The following SLC44A1 variants were observed in gnomAD, a reference collection of about 807,000 sequenced individuals.
SLC44A1 encodes the protein solute carrier family 44 member 1, also known as choline transporter-like protein 1.
A neutral mutation model predicts 79.3 loss-of-function variants in SLC44A1; 26 were observed. The observed-to-expected ratio is 0.33, with a 90% CI of 0.24 to 0.46. The LOEUF (loss-of-function observed/expected upper bound fraction) is 0.46, where lower values mean the gene tolerates loss of function less well. Among genes scored for constraint, SLC44A1 ranks in the 20% least tolerant of loss-of-function variants. The pLI, the probability that SLC44A1 is intolerant of heterozygous loss-of-function variation, is 1.00. For missense variants in SLC44A1, 688 were observed against 798.1 expected (o/e 0.86, Z 1.66); for synonymous variants, 263 against 286.2 (o/e 0.92, Z 0.82).
chr9:105,398,043 C>T (rs763530357), downstream of SLC44A1, among the ~76,000 whole-genome samples: 3 of 152,164 alleles, frequency 2.0e-5, no homozygotes, highest in Non-Finnish European at 4.4e-5. Context: ...GTGCCCTGCA[C>T]GTGAATTGGA....
intron 3 of SLC44A1, among the ~76,000 whole-genome samples, chr9:105,314,807 CAG>C (rs1831276100): frequency 6.6e-6 from 1 of 152,192 alleles, no homozygotes; most frequent in African/African-American, 2.4e-5. Context: ...CTAGTAAAAA[CAG>C]AATCAGAGTG....
At chr9:105,403,281 AT>A (rs934515014) in intron 15 of SLC44A1, among the ~76,000 whole-genome samples, 2 of 152,088 alleles carry the variant, frequency 1.3e-5, no homozygotes, top group African/African-American at 4.8e-5. Context: ...GATCGATAGA[AT>A]TTTATTCTCT....
At chr9:105,321,197 C>T (rs957776512) in intron 3 of SLC44A1, among the ~76,000 whole-genome samples, 4 of 151,838 alleles carry the variant, frequency 2.6e-5, no homozygotes, top group Non-Finnish European at 5.9e-5. Flanking sequence ...TTTTAGTTAG[C>T]GCTTATGTTG....
At chr9:105,263,956 T>C (rs1829901494) in intron 1 of SLC44A1, among the ~76,000 whole-genome samples, 1 of 152,124 alleles carries the variant, frequency 6.6e-6, no homozygotes, top group African/African-American at 2.4e-5. Context: ...ATTCTTTTGC[T>C]TTTCCCCCTA....
chr9:105,286,307 T>C, intron 1 of SLC44A1, among the ~76,000 whole-genome samples: 1 of 152,216 alleles, frequency 6.6e-6, no homozygotes, highest in East Asian at 1.9e-4. Context: ...TTCACATTCC[T>C]GCTGTAGTAC....
At chr9:105,349,810 G>A (rs1025825844) in intron 5 of SLC44A1, among the ~76,000 whole-genome samples, 6 of 152,114 alleles carry the variant, frequency 3.9e-5, no homozygotes, top group African/African-American at 1.4e-4. Context: ...TAGCCAGAAA[G>A]CCTGGGTGTG....
intron 15 of SLC44A1, among the ~76,000 whole-genome samples, chr9:105,423,788 T>C (rs1177843411): frequency 6.6e-6 from 1 of 152,204 alleles, no homozygotes; most frequent in Non-Finnish European, 1.5e-5. Context: ...TTTTCCAAAA[T>C]ATACAAGGAG....
At position 105,392,045 on chromosome 9, in the gene SLC44A1, T is replaced by C. The variant is rs1202819609; in HGVS notation, c.*2989T>C. The C allele has an allele frequency of 2.0e-6, 2 of 985,084 alleles. No homozygotes were observed. The highest frequency in any genetic ancestry group is 6.2e-5 in the Admixed American group (1 of 16,256). 61.0% of individuals were successfully genotyped at this position (985,084 alleles called of 1,614,324 possible). On this transcript the variant is annotated 3_prime_UTR_variant, in exon 16 of 16. Coordinates refer to ENST00000374720, the MANE Select transcript of SLC44A1 (RefSeq NM_080546.5). Reference sequence around the variant, plus strand: ...TCCATAATATGGAAGAGAAAAGTTATATTTCAGTGTAAATCCAAGAGACCC... The same window carrying C: ...TCCATAATATGGAAGAGAAAAGTTACATTTCAGTGTAAATCCAAGAGACCC...
intron 3 of SLC44A1, among the ~76,000 whole-genome samples, chr9:105,319,239 T>C (rs888827600): frequency 6.6e-6 from 1 of 152,112 alleles, no homozygotes; most frequent in Admixed American, 6.5e-5. Flanking sequence ...TGGCAAATTA[T>C]TTGCCAGGAA....
chr9:105,336,132 G>T (rs898053419), intron 4 of SLC44A1, among the ~76,000 whole-genome samples: 1 of 143,924 alleles, frequency 6.9e-6, no homozygotes, highest in African/African-American at 2.9e-5. Context: ...GTGTGTGTGT[G>T]CATGTGTGTG....
chr9:105,304,944 GTTTTTTTTTTT>G (rs10589897), intron 2 of SLC44A1, among the ~76,000 whole-genome samples: 17 of 20,058 alleles, frequency 8.5e-4, no homozygotes, highest in African/African-American at 1.8e-3. Context: ...ACTTTCTATC[GTTTTTTTTTTT>G]TTTTTTTTTT....
chr9:105,351,279 A>G (rs546276299), intron 5 of SLC44A1, among the ~76,000 whole-genome samples: 1 of 152,282 alleles, frequency 6.6e-6, no homozygotes, highest in South Asian at 2.1e-4. Flanking sequence ...TATGCCTGTA[A>G]TCCCAGCACT....
Position 105,390,665 on chromosome 9 carries a change from T to C in SLC44A1, c.*1609T>C. 1 of 985,630 alleles carries C rather than the reference T, an allele frequency of 1.0e-6. No homozygotes were observed. Among genetic ancestry groups the C allele is most frequent in the South Asian group, 4.7e-5 (1 of 21,278 alleles). The allele number at this position is 985,630 out of a possible 1,614,324, so 61.1% of individuals were successfully genotyped here. On this transcript the variant is annotated 3_prime_UTR_variant, in exon 16 of 16. Coordinates refer to ENST00000374720, the MANE Select transcript of SLC44A1 (RefSeq NM_080546.5). ...GGTAAATTGTATTTTTTTTTAAGTA[T>C]TGGTGTTCTTTACTCTAGCTAGGCT...
At chr9:105,357,998 C>T (rs145026776) in intron 6 of SLC44A1, among the ~76,000 whole-genome samples, 12 of 152,326 alleles carry the variant, frequency 7.9e-5, no homozygotes, top group African/African-American at 2.6e-4. Flanking sequence ...ACATGTCATT[C>T]TCTACACTTT....
At chr9:105,307,192 G>A (rs1006442032) in intron 2 of SLC44A1, among the ~76,000 whole-genome samples, 6 of 152,202 alleles carry the variant, frequency 3.9e-5, no homozygotes, top group Admixed American at 3.3e-4. Flanking sequence ...TGAAATAGAT[G>A]GTATTACTCT....
intron 2 of SLC44A1, chr9:105,299,815 T>C: frequency 1.0e-6 from 1 of 986,632 alleles, no homozygotes; most frequent in Non-Finnish European, 1.2e-6. Context: ...CTGGTGGTTT[T>C]CCAACGGCCC....
intron 14 of SLC44A1, 70 bp downstream of exon 14, chr9:105,383,429 C>A: frequency 2.2e-6 from 2 of 889,370 alleles, no homozygotes; most frequent in African/African-American, 1.7e-5. Flanking sequence ...GTAAAACATT[C>A]TCTATATTTA....
At chr9:105,372,615 C>T (rs1203187431) in intron 12 of SLC44A1, among the ~76,000 whole-genome samples, 1 of 151,314 alleles carries the variant, frequency 6.6e-6, no homozygotes, top group Non-Finnish European at 1.5e-5. Context: ...TAAAGAGCAC[C>T]ATAATTTATT....
intron 10 of SLC44A1, 146 bp downstream of exon 10, chr9:105,364,866 A>G (rs1007619453): frequency 1.9e-5 from 11 of 583,406 alleles, no homozygotes; most frequent in East Asian, 1.2e-4. Context: ...AGTGTTATAT[A>G]TAGTTGATAA....
Sources: gnomAD v4.1 joint callset for allele counts (sites outside exome capture counted in the v4.1 genomes callset) on GRCh38, gnomAD v4.1.1 for gene constraint, MANE v1.5 for transcripts, NCBI Gene and HGNC (gene_info 2026-07-23, HGNC 2026-07-21) for gene names.